SPAG16: variants seen among roughly 807,000 people sequenced by gnomAD.
SPAG16 encodes sperm associated antigen 16, also known as sperm-associated antigen 16 protein.
SPAG16 carries 86 observed loss-of-function variants against 80.4 expected under a neutral mutation model. The ratio of observed to expected loss-of-function variants is 1.07; its 90% CI spans 0.90 to 1.28. SPAG16 has a LOEUF of 1.28. Ranked by LOEUF, SPAG16 falls within the 50% of genes most tolerant of loss-of-function variation. The probability of loss-of-function intolerance (pLI) is 0.00; values close to 1 mark genes in which losing one functional copy is unlikely to be tolerated. For synonymous variants in SPAG16, 294 were observed against 265.9 expected, an observed-to-expected ratio of 1.11 and a Z score of -1.03; for missense variants, 870 against 765.3, an observed-to-expected ratio of 1.14 and a Z score of -1.61.
chr2:213,457,494 C>T (rs1426455476), intron 9 of SPAG16, among the ~76,000 whole-genome samples: 2 of 152,148 alleles, frequency 1.3e-5, no homozygotes, highest in Non-Finnish European at 2.9e-5. Context: ...TTCTTTTAAA[C>T]GTTTGAGGTT....
intron 15 of SPAG16, among the ~76,000 whole-genome samples, chr2:214,386,592 T>A (rs1438067897): frequency 3.3e-5 from 5 of 152,060 alleles, no homozygotes; most frequent in African/African-American, 1.2e-4. Flanking sequence ...CCAGGCAATG[T>A]GGTACATGCC....
intron 14 of SPAG16, among the ~76,000 whole-genome samples, chr2:214,147,705 C>T (rs751978907): frequency 8.5e-5 from 13 of 152,116 alleles, no homozygotes; most frequent in Non-Finnish European, 1.8e-4. Context: ...CCAAGTTCTC[C>T]ATGTTCCTTT....
chr2:214,406,584 A>G (rs1042542993), intron 15 of SPAG16, among the ~76,000 whole-genome samples: 1 of 152,158 alleles, frequency 6.6e-6, no homozygotes, highest in Non-Finnish European at 1.5e-5. Context: ...ACTACTTATT[A>G]AAATAAATAC....
intron 15 of SPAG16, among the ~76,000 whole-genome samples, chr2:214,161,152 A>G (rs1372645952): frequency 2.0e-5 from 3 of 152,128 alleles, no homozygotes; most frequent in African/African-American, 4.8e-5. Flanking sequence ...CTATGGCTGC[A>G]TAGTATTCCA....
intron 9 of SPAG16, chr2:213,396,532 A>G (rs16850268): frequency 0.065 from 20,468 of 316,166 alleles, 2,242 homozygotes; most frequent in African/African-American, 0.3. Flanking sequence ...AATCAAGAGA[A>G]AGCTTATGAG....
At chr2:214,009,887 CAT>C (rs2047204167) in intron 12 of SPAG16, among the ~76,000 whole-genome samples, 1 of 151,408 alleles carries the variant, frequency 6.6e-6, no homozygotes, top group Non-Finnish European at 1.5e-5. Flanking sequence ...CCTCGTAAGT[CAT>C]AATAAAAAGA....
At chr2:214,319,555 T>A (rs897993424) in intron 15 of SPAG16, among the ~76,000 whole-genome samples, 1 of 151,470 alleles carries the variant, frequency 6.6e-6, no homozygotes. Flanking sequence ...TCTATGGTAA[T>A]CTAGGTGAAA....
chr2:214,170,798 T>G (rs960740163), intron 15 of SPAG16, among the ~76,000 whole-genome samples: 6 of 152,044 alleles, frequency 3.9e-5, no homozygotes, highest in African/African-American at 9.7e-5. Flanking sequence ...TCTTATTGTC[T>G]GCACACTTCA....
intron 10 of SPAG16, among the ~76,000 whole-genome samples, chr2:213,600,831 G>GA (rs1325703737): frequency 2.6e-5 from 4 of 152,062 alleles, no homozygotes; most frequent in African/African-American, 9.7e-5. Context: ...AGAGGCAAAG[G>GA]AAAAAACTTT....
intron 5 of SPAG16, among the ~76,000 whole-genome samples, chr2:213,338,508 C>T (rs531077582): frequency 2.0e-5 from 3 of 152,180 alleles, no homozygotes; most frequent in Non-Finnish European, 4.4e-5. Flanking sequence ...AATCCCATTA[C>T]TGGGTATATA....
chr2:213,841,996 A>G (rs758283045), intron 10 of SPAG16, among the ~76,000 whole-genome samples: 6 of 152,148 alleles, frequency 3.9e-5, no homozygotes, highest in Non-Finnish European at 8.8e-5. Flanking sequence ...TTAAATTTGT[A>G]ACTAAGCATT....
In SPAG16 at chr2:213,723,669, A is replaced by G. The variant is rs148860074; in HGVS notation, c.1071-138816A>G. 7.7e-4 allele frequency among the ~76,000 whole-genome samples: 118 copies of G among 152,346 alleles called. 1 individual carries two copies. Among genetic ancestry groups the G allele is most frequent in the Middle Eastern group, 3.4e-3 (1 of 294 alleles). On this transcript the variant is annotated intron_variant, in intron 10 of 15. Transcript: ENST00000331683. ...GAAATGCATTCTAACCCAGAGGAAT[A>G]GAATGTTTGCAGATCACCTCAGCTA...
chr2:213,373,626 C>T (rs937716023), intron 8 of SPAG16, among the ~76,000 whole-genome samples: 1 of 152,138 alleles, frequency 6.6e-6, no homozygotes, highest in Admixed American at 6.6e-5. Flanking sequence ...TTGCATGCTA[C>T]ATGAGATCTG....
chr2:213,934,999 GAGACCATCC>G (rs542814704), intron 12 of SPAG16, among the ~76,000 whole-genome samples: 1,849 of 151,960 alleles, frequency 0.012, 35 homozygotes, highest in African/African-American at 0.042. Context: ...TCAGGAGATC[GAGACCATCC>G]TGGCTAACAC....
intron 10 of SPAG16, among the ~76,000 whole-genome samples, chr2:213,857,900 T>C (rs906134990): frequency 1.3e-5 from 2 of 152,176 alleles, no homozygotes; most frequent in Non-Finnish European, 2.9e-5. Flanking sequence ...CTCTCATGGA[T>C]GACTTTGAGA....
chr2:213,817,314 C>CAGATGCTGGTGAGACTAACAGAGAAA (rs560685375), intron 10 of SPAG16, among the ~76,000 whole-genome samples: 56 of 148,282 alleles, frequency 3.8e-4, no homozygotes, highest in African/African-American at 1.4e-3. Context: ...TAAAAAACAG[C>CAGATGCTGGTGAGACTAACAGAGAAA]AGATGCTGGT....
intron 15 of SPAG16, among the ~76,000 whole-genome samples, chr2:214,328,680 A>G (rs1402112027): frequency 6.6e-6 from 1 of 152,218 alleles, no homozygotes; most frequent in Non-Finnish European, 1.5e-5. Flanking sequence ...ATAGTTCAAA[A>G]TGCACATGAG....
intron 10 of SPAG16, among the ~76,000 whole-genome samples, chr2:213,816,453 G>A (rs1321704656): frequency 2.0e-5 from 3 of 152,022 alleles, no homozygotes; most frequent in East Asian, 1.9e-4. Context: ...TAGCTAGATC[G>A]TAGGACATGC....
intron 13 of SPAG16, among the ~76,000 whole-genome samples, chr2:214,020,692 C>T (rs1262867430): frequency 1.3e-5 from 2 of 152,148 alleles, no homozygotes; most frequent in Non-Finnish European, 2.9e-5. Flanking sequence ...AATGTGCAGG[C>T]TGAACTTTCA....
Sources: gnomAD v4.1 joint callset for allele counts (sites outside exome capture counted in the v4.1 genomes callset) on GRCh38, gnomAD v4.1.1 for gene constraint, MANE v1.5 for transcripts, NCBI Gene and HGNC (gene_info 2026-07-23, HGNC 2026-07-21) for gene names.